Variants in EHBP1 observed in about 807,000 individuals in gnomAD.
EHBP1 encodes the protein EH domain-binding protein 1.
EHBP1 carries 55 observed loss-of-function variants against 144.0 expected under a neutral mutation model. The ratio of observed to expected loss-of-function variants is 0.38; its 90% confidence interval spans 0.31 to 0.48. The LOEUF (loss-of-function observed/expected upper bound fraction) is 0.48, where lower values mean the gene tolerates loss of function less well. Among genes scored for constraint, EHBP1 ranks in the 20% least tolerant of loss-of-function variants. The pLI is 0.98. For missense variants in EHBP1, 1,200 were observed against 1,364.2 expected (o/e 0.88, Z 1.90); for synonymous variants, 469 against 472.7 (o/e 0.99, Z 0.10).
intron 1 of EHBP1, among the ~76,000 whole-genome samples, chr2:62,698,997 T>G (rs2034193149): frequency 6.6e-6 from 1 of 152,182 alleles, no homozygotes; most frequent in Non-Finnish European, 1.5e-5. Context: ...ATTTTGCTTT[T>G]TGTGTGTGTG....
intron 10 of EHBP1, among the ~76,000 whole-genome samples, chr2:62,898,199 T>C (rs1486896778): frequency 1.3e-5 from 2 of 152,160 alleles, no homozygotes; most frequent in Non-Finnish European, 1.5e-5. Context: ...ATTAATAATA[T>C]TAAAAATCAT....
intron 10 of EHBP1, among the ~76,000 whole-genome samples, chr2:62,903,329 A>T (rs575999764): frequency 6.6e-6 from 1 of 152,350 alleles, no homozygotes; most frequent in Admixed American, 6.5e-5. Context: ...TCTATATGAT[A>T]GTTAACTCCT....
intron 10 of EHBP1, among the ~76,000 whole-genome samples, chr2:62,896,027 A>G (rs1211353524): frequency 6.6e-6 from 1 of 152,160 alleles, no homozygotes; most frequent in Non-Finnish European, 1.5e-5. Flanking sequence ...GTGCCAAGCA[A>G]TGGAAATAAT....
chr2:62,785,487 G>A (rs1316033399), intron 5 of EHBP1, among the ~76,000 whole-genome samples: 1 of 152,182 alleles, frequency 6.6e-6, no homozygotes, highest in Non-Finnish European at 1.5e-5. Flanking sequence ...AGGGAGGTCA[G>A]AGAGTGTAGG....
At chr2:62,992,345 T>C (rs543384961) in intron 16 of EHBP1, among the ~76,000 whole-genome samples, 3 of 152,308 alleles carry the variant, frequency 2.0e-5, no homozygotes, top group Non-Finnish European at 4.4e-5. Context: ...TAATGATAAA[T>C]TCATTAGATA....
chr2:62,802,816 C>G (rs1240935191), intron 5 of EHBP1, among the ~76,000 whole-genome samples: 1 of 151,340 alleles, frequency 6.6e-6, no homozygotes, highest in Non-Finnish European at 1.5e-5. Context: ...CCTCCGCCTC[C>G]AAGGTTCAAG....
intron 10 of EHBP1, among the ~76,000 whole-genome samples, chr2:62,900,579 C>T (rs2152943227): frequency 6.6e-6 from 1 of 151,588 alleles, no homozygotes; most frequent in East Asian, 1.9e-4. Flanking sequence ...TGTGATCACA[C>T]TACTGCATTC....
chr2:62,741,299 G>A (rs2038686109), intron 2 of EHBP1, among the ~76,000 whole-genome samples: 1 of 152,170 alleles, frequency 6.6e-6, no homozygotes, highest in African/African-American at 2.4e-5. Context: ...TGGGAGTAGG[G>A]TGCTTCTTGT....
Position 62,949,134 on chromosome 2 carries a change from A to G in EHBP1, c.2288A>G (p.His763Arg), listed in dbSNP as rs757487237. 3.8e-6 allele frequency: 6 copies of G among 1,563,562 alleles called. No individual in the cohort carries two copies. The highest frequency in any genetic ancestry group is 4.3e-6 in the Non-Finnish European group (5 of 1,161,436). Residue 763 changes from histidine to arginine, a missense_variant, in exon 13 of 23, where the codon CAT (histidine) becomes CGT (arginine). By Grantham distance (29) the His-to-Arg change is conservative (BLOSUM62 0). Coordinates refer to ENST00000431489, the MANE Select transcript of EHBP1 (RefSeq NM_001142616.3). ...GATGCTGATAGAACCACTTTAAATCATGCAGATCATTCATCAAAAATAGTC... is the reference window on the plus strand; with the variant it reads ...GATGCTGATAGAACCACTTTAAATCGTGCAGATCATTCATCAAAAATAGTC... ...DPDADRTTLN[H>R]ADHSSKIVQH...
chr2:62,772,930 C>T (rs2041778831), intron 5 of EHBP1, among the ~76,000 whole-genome samples: 1 of 152,104 alleles, frequency 6.6e-6, no homozygotes, highest in Non-Finnish European at 1.5e-5. Flanking sequence ...AGATCAGGTC[C>T]ATTATAGATT....
At chr2:63,029,121 GT>G (rs566796964) in intron 19 of EHBP1, among the ~76,000 whole-genome samples, 104 of 148,288 alleles carry the variant, frequency 7.0e-4, no homozygotes, top group Non-Finnish European at 1.3e-3. Flanking sequence ...TTTTTTTTAA[GT>G]CTCTAAAACC....
chr2:62,681,520 G>A (rs2033531385), intron 1 of EHBP1, among the ~76,000 whole-genome samples: 1 of 151,522 alleles, frequency 6.6e-6, no homozygotes, highest in African/African-American at 2.4e-5. Context: ...CCATACTATT[G>A]AGAGGCTTGA....
intron 1 of EHBP1, among the ~76,000 whole-genome samples, chr2:62,681,032 G>T (rs2033494381): frequency 6.6e-6 from 1 of 151,828 alleles, no homozygotes; most frequent in South Asian, 2.1e-4. Context: ...ACAAAAAATG[G>T]CCGGGCGTGA....
chr2:62,921,368 C>T (rs2055063377), intron 10 of EHBP1, among the ~76,000 whole-genome samples: 2 of 151,840 alleles, frequency 1.3e-5, no homozygotes, highest in African/African-American at 4.8e-5. Context: ...TGGCTTTAGC[C>T]TGGGAGGCAG....
intron 10 of EHBP1, among the ~76,000 whole-genome samples, chr2:62,896,360 G>A (rs1274330521): frequency 2.6e-5 from 4 of 152,314 alleles, no homozygotes; most frequent in Admixed American, 6.5e-5. Flanking sequence ...TGCCTGGGAT[G>A]TAAAGGATCT....
chr2:62,788,703 C>T (rs1284509828), intron 5 of EHBP1, among the ~76,000 whole-genome samples: 1 of 152,174 alleles, frequency 6.6e-6, no homozygotes, highest in South Asian at 2.1e-4. Context: ...TTATATTCTT[C>T]TTACCTGTTT....
chr2:62,825,907 A>G (rs935259757), intron 5 of EHBP1, among the ~76,000 whole-genome samples, 180 bp from the exon 6 acceptor site: 3 of 152,066 alleles, frequency 2.0e-5, no homozygotes, highest in Admixed American at 6.6e-5. Flanking sequence ...TGCCTTACTT[A>G]TAAATGTAAC....
intron 21 of EHBP1, among the ~76,000 whole-genome samples, chr2:63,040,416 A>C (rs1457267516): frequency 6.6e-6 from 1 of 152,204 alleles, no homozygotes; most frequent in Non-Finnish European, 1.5e-5. Context: ...GCCATGACAC[A>C]TTAAATAATT....
chr2:63,001,672 C>G (rs2059855779), intron 19 of EHBP1, among the ~76,000 whole-genome samples: 2 of 152,112 alleles, frequency 1.3e-5, no homozygotes, highest in African/African-American at 4.8e-5. Flanking sequence ...TTAATAAACA[C>G]CTTTTTCAGA....
Sources: allele counts gnomAD v4.1 joint callset (sites outside exome capture counted in the v4.1 genomes callset), GRCh38; gene constraint gnomAD v4.1.1; transcripts MANE v1.5; gene names NCBI Gene and HGNC (gene_info 2026-07-23, HGNC 2026-07-21).